Variants in TKT observed in about 807,000 individuals in gnomAD.
TKT encodes the protein transketolase, also known as epididymis luminal protein 107.
In TKT, 47 loss-of-function variants were observed where a neutral mutation model predicts 63.9. The ratio of observed to expected loss-of-function variants is 0.74; its 90% CI spans 0.58 to 0.94. TKT has a LOEUF of 0.94. TKT is among the 40% of genes least tolerant of loss of function. TKT has a pLI of 0.00. For missense variants in TKT, 721 were observed against 846.2 expected (o/e 0.85, Z 1.84); for synonymous variants, 338 against 334.1 (o/e 1.01, Z -0.13).
Position 53,229,078 on chromosome 3 carries a change from T to C in TKT, c.1324A>G (p.Thr442Ala), listed in dbSNP as rs1559645983. ...EDLAMFRSVP[T>A]STVFYPSDGV... The stretch of plus-strand genomic sequence containing the variant: ...TCACTTGGGTAAAAGACAGTTGATG[T>C]GGGGACTGACCGAAACATAGCCAGA... Residue 442 changes from threonine to alanine, a missense_variant, in exon 10 of 14, where the codon ACA (threonine) becomes GCA (alanine). By Grantham distance (58) the Thr-to-Ala change is moderately conservative (BLOSUM62 0). Coordinates refer to ENST00000462138, the MANE Select transcript of TKT (RefSeq NM_001064.4). 6.2e-7 allele frequency: 1 copy of C among 1,614,134 alleles called. No individual in the cohort carries two copies. Among genetic ancestry groups the C allele is most frequent in the South Asian group, 1.1e-5 (1 of 91,084 alleles).
At chr3:53,241,967 G>C (rs1705299075) in intron 2 of TKT, 158 bp downstream of exon 2, 8 of 694,758 alleles carry the variant, frequency 1.2e-5, no homozygotes, top group South Asian at 1.1e-4. Flanking sequence ...GGTCAGCACA[G>C]AGCAGGACAC....
intron 1 of TKT, among the ~76,000 whole-genome samples, chr3:53,247,257 T>C (rs1380763444): frequency 6.8e-6 from 1 of 147,314 alleles, no homozygotes; most frequent in African/African-American, 2.5e-5. Context: ...CTTGGGAGAC[T>C]GAGGCAGGAG....
chr3:53,226,040 C>A, intron 13 of TKT, 109 bp from the exon 14 acceptor site: 1 of 959,188 alleles, frequency 1.0e-6, no homozygotes, highest in Non-Finnish European at 1.5e-6. Context: ...ATATGCACTG[C>A]CTTTCTCCAC....
Position 53,255,958 on chromosome 3 carries a change from G to C in TKT, c.-16C>G. ...AGCTCTCCATGGTGCGGCAGGCGGGGACCGGGCGCACACGCGGACACACAG... is the reference window on the plus strand; with the variant it reads ...AGCTCTCCATGGTGCGGCAGGCGGGCACCGGGCGCACACGCGGACACACAG... On this transcript the variant is annotated 5_prime_UTR_variant, in exon 1 of 14. Coordinates refer to ENST00000462138, the MANE Select transcript of TKT (RefSeq NM_001064.4). 1 of 1,497,942 alleles carries C rather than the reference G, an allele frequency of 6.7e-7. No homozygotes were observed. Among genetic ancestry groups the C allele is most frequent in the Non-Finnish European group, 9.0e-7 (1 of 1,115,998 alleles). 92.8% of individuals were successfully genotyped at this position (1,497,942 alleles called of 1,614,324 possible). A position where few individuals can be genotyped will look rare whatever the true frequency, so the allele number is the denominator to read the frequency against.
At chr3:53,243,661 CT>C (rs1559656260) in intron 1 of TKT, 2 of 455,676 alleles carry the variant, frequency 4.4e-6, no homozygotes, top group South Asian at 1.6e-5. Context: ...ACGAGAAACC[CT>C]TTTCTGCCTG....
intron 6 of TKT, chr3:53,232,197 G>A (rs1704796443): frequency 5.0e-6 from 2 of 397,324 alleles, no homozygotes; most frequent in Non-Finnish European, 8.9e-6. Flanking sequence ...CCAGCAGCCC[G>A]AAAGACTAGC....
At chr3:53,231,294 C>A in intron 7 of TKT, 63 bp downstream of exon 7, 1 of 1,578,514 alleles carries the variant, frequency 6.3e-7, no homozygotes, top group Non-Finnish European at 8.6e-7. Flanking sequence ...GAGGGTGTAT[C>A]TGGGCCACAG....
At chr3:53,242,823 T>C (rs1282244844) in intron 1 of TKT, among the ~76,000 whole-genome samples, 2 of 152,124 alleles carry the variant, frequency 1.3e-5, no homozygotes, top group African/African-American at 4.8e-5. Flanking sequence ...CTGAGGCTCA[T>C]GGAGTTACCA....
chr3:53,237,432 T>A (rs1705080889), intron 4 of TKT, among the ~76,000 whole-genome samples: 2 of 151,206 alleles, frequency 1.3e-5, no homozygotes, highest in African/African-American at 4.9e-5. Flanking sequence ...CCACTGTTAA[T>A]ATCAGGAGAA....
chr3:53,240,446 C>T, intron 3 of TKT, 98 bp from the exon 4 acceptor site: 2 of 1,139,786 alleles, frequency 1.8e-6, no homozygotes, highest in Admixed American at 2.4e-5. Flanking sequence ...GCAAGCCCTT[C>T]CTCTGCAGAA....
Position 53,231,638 on chromosome 3 carries a change from AC to A in TKT, c.749-89del, listed in dbSNP as rs1704766247. Reference sequence around the variant, plus strand: ...GGCTGCTCCAGGAGACTGGCCCTCTACCTGCCGAGGGCAAGGGAGGAATGGC... The same window carrying A: ...GGCTGCTCCAGGAGACTGGCCCTCTACTGCCGAGGGCAAGGGAGGAATGGC... On this transcript the variant is annotated intron_variant, in intron 6 of 13. Transcript: ENST00000462138. 8 of 1,377,660 alleles carry A rather than the reference AC, an allele frequency of 5.8e-6. No individual in the cohort carries two copies. In the South Asian group the frequency reaches 1.1e-4, roughly 19 times the overall value. The allele number at this position is 1,377,660 out of a possible 1,614,324, so 85.3% of individuals were successfully genotyped here. A position where few individuals can be genotyped will look rare whatever the true frequency, so the allele number is the denominator to read the frequency against.
chr3:53,249,336 G>A (rs1705651737), intron 1 of TKT, among the ~76,000 whole-genome samples: 2 of 152,006 alleles, frequency 1.3e-5, no homozygotes, highest in African/African-American at 4.8e-5. Flanking sequence ...CCAACACTTT[G>A]GGAGGCCAAG....
At chr3:53,236,415 T>C (rs1046055187) in intron 4 of TKT, among the ~76,000 whole-genome samples, 5 of 152,176 alleles carry the variant, frequency 3.3e-5, no homozygotes, top group African/African-American at 1.2e-4. Flanking sequence ...CTCATACTGC[T>C]CTTCTGTGGC....
At chr3:53,254,365 C>T (rs915232967) in intron 1 of TKT, among the ~76,000 whole-genome samples, 2 of 152,176 alleles carry the variant, frequency 1.3e-5, no homozygotes, top group Non-Finnish European at 2.9e-5. Flanking sequence ...GTAAGACTGA[C>T]ACAAACCCAG....
chr3:53,242,323 G>T, intron 1 of TKT, 81 bp from the exon 2 acceptor site: 1 of 1,350,062 alleles, frequency 7.4e-7, no homozygotes, highest in South Asian at 1.2e-5. Flanking sequence ...ACAGGGACCT[G>T]GGGGTGCATG....
At chr3:53,227,554 C>T (rs1704552432) in intron 12 of TKT, 1 of 159,964 alleles carries the variant, frequency 6.3e-6, no homozygotes, top group Non-Finnish European at 1.4e-5. Context: ...GATTCTATTG[C>T]AGGAGAGGCC....
intron 1 of TKT, among the ~76,000 whole-genome samples, chr3:53,250,956 A>G (rs927424393): frequency 2.6e-5 from 4 of 151,942 alleles, no homozygotes; most frequent in Admixed American, 2.0e-4. Context: ...TTTTTTGTAG[A>G]GATGAGGTCT....
At chr3:53,230,164 A>G (rs1247785576) in intron 8 of TKT, among the ~76,000 whole-genome samples, 1 of 152,182 alleles carries the variant, frequency 6.6e-6, no homozygotes, top group African/African-American at 2.4e-5. Flanking sequence ...TCCACCTGGA[A>G]GAGACCCCAT....
At chr3:53,254,550 A>G (rs1649719596) in intron 1 of TKT, among the ~76,000 whole-genome samples, 1 of 152,238 alleles carries the variant, frequency 6.6e-6, no homozygotes, top group African/African-American at 2.4e-5. Context: ...ATTGGCCAGA[A>G]GCCAGAATCT....
Sources: gnomAD v4.1 joint callset for allele counts (sites outside exome capture counted in the v4.1 genomes callset) on GRCh38, gnomAD v4.1.1 for gene constraint, MANE v1.5 for transcripts, NCBI Gene and HGNC (gene_info 2026-07-23, HGNC 2026-07-21) for gene names.